SAMD3: variants seen among roughly 807,000 people sequenced by gnomAD.
SAMD3 encodes the protein sterile alpha motif domain-containing protein 3.
SAMD3 carries 63 observed loss-of-function variants against 58.5 expected under a neutral mutation model. The observed-to-expected ratio is 1.08, with a 90% CI of 0.88 to 1.33. The LOEUF (loss-of-function observed/expected upper bound fraction) is 1.33. Ranked by LOEUF, SAMD3 falls within the 40% of genes most tolerant of loss-of-function variation. SAMD3 has a pLI of 0.00. For missense variants in SAMD3, 604 were observed against 608.4 expected (o/e 0.99, Z 0.08); for synonymous variants, 220 against 210.3 (o/e 1.05, Z -0.40).
intron 6 of SAMD3, 46 bp from the exon 7 acceptor site, chr6:130,184,233 C>G (rs1259223593): frequency 1.4e-6 from 2 of 1,440,386 alleles, no homozygotes; most frequent in Non-Finnish European, 1.9e-6. Flanking sequence ...AAGCAAACCA[C>G]ATTCCTTCCT....
intron 8 of SAMD3, among the ~76,000 whole-genome samples, chr6:130,163,669 A>G (rs531328215): frequency 3.3e-5 from 5 of 152,338 alleles, no homozygotes; most frequent in South Asian, 2.1e-4. Flanking sequence ...TCAATTTTCT[A>G]TCATGAGAGA....
At chr6:130,319,919 G>T (rs1474696670) in intron 1 of SAMD3, among the ~76,000 whole-genome samples, 1 of 151,974 alleles carries the variant, frequency 6.6e-6, no homozygotes, top group Non-Finnish European at 1.5e-5. Flanking sequence ...ACATGGCTAA[G>T]AAAAGAATCA....
chr6:130,284,286 GA>G (rs1475618689), intron 2 of SAMD3, among the ~76,000 whole-genome samples: 2 of 152,152 alleles, frequency 1.3e-5, no homozygotes, highest in African/African-American at 2.4e-5. Flanking sequence ...AAGAAGGTTA[GA>G]ATTATTGATT....
At chr6:130,330,724 G>A (rs1404894936) in intron 1 of SAMD3, among the ~76,000 whole-genome samples, 1 of 152,162 alleles carries the variant, frequency 6.6e-6, no homozygotes, top group East Asian at 1.9e-4. Context: ...GTAGATTGGA[G>A]GTGGCTTGGG....
chr6:130,346,814 C>A (rs950280924), intron 1 of SAMD3, among the ~76,000 whole-genome samples: 3 of 152,206 alleles, frequency 2.0e-5, no homozygotes, highest in African/African-American at 4.8e-5. Context: ...AGTAGCTTAA[C>A]TGGGAGGCAC....
intron 1 of SAMD3, among the ~76,000 whole-genome samples, chr6:130,355,691 T>TC (rs1211705354): frequency 2.0e-5 from 3 of 152,096 alleles, no homozygotes; most frequent in Non-Finnish European, 4.4e-5. Context: ...AGTGGGGTAG[T>TC]CCCCAGGGAT....
upstream of SAMD3, chr6:130,365,472 G>C: frequency 1.0e-6 from 1 of 985,404 alleles, no homozygotes; most frequent in Non-Finnish European, 1.2e-6. Flanking sequence ...CAGCCCGCCA[G>C]GGGGACCCCG....
At chr6:130,282,875 T>C (rs1170737537) in intron 2 of SAMD3, among the ~76,000 whole-genome samples, 3 of 152,044 alleles carry the variant, frequency 2.0e-5, no homozygotes, top group African/African-American at 7.2e-5. Flanking sequence ...AAGAAGCAAA[T>C]ATAAAACTTT....
chr6:130,333,056 T>A (rs1224023345), intron 1 of SAMD3, among the ~76,000 whole-genome samples: 1 of 55,066 alleles, frequency 1.8e-5, no homozygotes, highest in Non-Finnish European at 3.1e-5. Context: ...TGTGTGTGTG[T>A]GTGTGTGTGT....
intron 2 of SAMD3, among the ~76,000 whole-genome samples, chr6:130,244,245 C>A (rs1390361836): frequency 6.6e-6 from 1 of 152,118 alleles, no homozygotes; most frequent in African/African-American, 2.4e-5. Context: ...CCCCACTAAC[C>A]TTAGGATGTG....
At chr6:130,234,930 T>C (rs766587074) in intron 2 of SAMD3, among the ~76,000 whole-genome samples, 1 of 152,168 alleles carries the variant, frequency 6.6e-6, no homozygotes, top group African/African-American at 2.4e-5. Flanking sequence ...CTGGGCAACA[T>C]AGGGAGACCC....
chr6:130,179,603 G>T (rs1582812156), intron 7 of SAMD3, among the ~76,000 whole-genome samples: 2 of 65,326 alleles, frequency 3.1e-5, no homozygotes, highest in South Asian at 1.3e-3. Context: ...AGACTGTCTA[G>T]GCAAAAAAAA....
intron 1 of SAMD3, among the ~76,000 whole-genome samples, chr6:130,219,747 G>A (rs896374302): frequency 3.3e-5 from 5 of 152,156 alleles, no homozygotes; most frequent in African/African-American, 1.2e-4. Flanking sequence ...GGGGTTTGGG[G>A]TTGGTTCCAC....
At chr6:130,287,600 G>A (rs1052553541) in intron 2 of SAMD3, among the ~76,000 whole-genome samples, 2 of 152,156 alleles carry the variant, frequency 1.3e-5, no homozygotes, top group Non-Finnish European at 2.9e-5. Flanking sequence ...ACAAGGGAGA[G>A]AAGTAAGCAA....
chr6:130,264,334 A>G (rs1774257878), intron 2 of SAMD3, among the ~76,000 whole-genome samples: 1 of 152,222 alleles, frequency 6.6e-6, no homozygotes, highest in South Asian at 2.1e-4. Flanking sequence ...GTCTCTCATG[A>G]CAGGGAGGAA....
At chr6:130,314,365 A>T (rs2114992338) in intron 1 of SAMD3, among the ~76,000 whole-genome samples, 1 of 152,346 alleles carries the variant, frequency 6.6e-6, no homozygotes, top group East Asian at 1.9e-4. Context: ...CAGTATTTAT[A>T]AAAACCCATT....
chr6:130,178,028 G>A (rs1262613189), intron 7 of SAMD3, among the ~76,000 whole-genome samples: 1 of 152,024 alleles, frequency 6.6e-6, no homozygotes, highest in Admixed American at 6.5e-5. Context: ...AGGCTGGAGT[G>A]CAATGGCGCA....
intron 8 of SAMD3, among the ~76,000 whole-genome samples, chr6:130,166,077 C>T (rs80077338): frequency 0.039 from 5,964 of 152,252 alleles, 388 homozygotes; most frequent in African/African-American, 0.13. Flanking sequence ...TCCTGGTGCT[C>T]CCTGTGCTGG....
Position 130,214,419 on chromosome 6 carries a change from A to G in SAMD3, c.187T>C (p.Tyr63His). ...QAVLMDLIKK[Y>H]KQNTQGLKSP... is the part of the protein sequence containing the mutation. Reference sequence around the variant, plus strand: ...TTCAGTCCTTGAGTGTTCTGCTTGTATTTTTTAATTAAATCCATCAGAACA... The same window carrying G: ...TTCAGTCCTTGAGTGTTCTGCTTGTGTTTTTTAATTAAATCCATCAGAACA... Residue 63 changes from tyrosine to histidine, a missense_variant, in exon 4 of 12, where the codon TAC (tyrosine) becomes CAC (histidine). Transcript: ENST00000439090. 1 of 1,613,042 alleles carries G rather than the reference A, an allele frequency of 6.2e-7. No individual in the cohort carries two copies. The highest frequency in any genetic ancestry group is 8.5e-7 in the Non-Finnish European group (1 of 1,179,560).
Sources: allele counts gnomAD v4.1 joint callset (sites outside exome capture counted in the v4.1 genomes callset), GRCh38; gene constraint gnomAD v4.1.1; transcripts MANE v1.5; gene names NCBI Gene and HGNC (gene_info 2026-07-23, HGNC 2026-07-21).